The following GC variants were observed in gnomAD, a reference collection of about 807,000 sequenced individuals.
The protein encoded by GC is GC vitamin D binding protein, also known as vitamin D-binding protein.
A neutral mutation model predicts 56.7 loss-of-function variants in GC; 43 were observed. That is an observed-to-expected ratio of 0.76 (90% CI 0.59 to 0.98). The LOEUF (loss-of-function observed/expected upper bound fraction) is 0.98. GC is among the 50% of genes least tolerant of loss of function. GC has a pLI of 0.00. For missense variants in GC, 529 were observed against 545.9 expected (o/e 0.97, Z 0.31); for synonymous variants, 216 against 202.7 (o/e 1.07, Z -0.56).
chr4:71,763,441 T>A lies in GC; in HGVS notation c.668A>T (p.Tyr223Phe), dbSNP rs776295456. The A allele has an allele frequency of 6.2e-7, 1 of 1,604,662 alleles. No individual in the cohort carries two copies. Among genetic ancestry groups the A allele is most frequent in the Non-Finnish European group, 8.5e-7 (1 of 1,171,730 alleles). Residue 223 changes from tyrosine (Y) to phenylalanine (F), a missense_variant, in exon 6 of 13, where the codon TAT becomes TTT. By Grantham distance (22) the Tyr-to-Phe change is conservative (BLOSUM62 3). Coordinates refer to ENST00000273951, the MANE Select transcript of GC (RefSeq NM_000583.4). The part of the protein sequence containing the change: ...TTLSNRVCSQ[Y>F]AAYGEKKSRL... ...TGATTTCTTCTCCCCATAAGCAGCA[T>A]ATTGTGAGCAGACTCTATTTGACAG...
chr4:71,789,782 T>C (rs1214373612), intron 1 of GC, among the ~76,000 whole-genome samples: 2 of 151,916 alleles, frequency 1.3e-5, no homozygotes, highest in Admixed American at 1.3e-4. Flanking sequence ...GGCTCAATGT[T>C]ATCACAAAGG....
At chr4:71,751,197 C>A (rs926134949) in intron 11 of GC, among the ~76,000 whole-genome samples, 1 of 152,152 alleles carries the variant, frequency 6.6e-6, no homozygotes, top group Non-Finnish European at 1.5e-5. Context: ...AAAAGGCCAG[C>A]AAAATACACC....
chr4:71,744,458 CAA>C (rs35292398), intron 12 of GC, among the ~76,000 whole-genome samples: 1,006 of 83,662 alleles, frequency 0.012, 5 homozygotes, highest in African/African-American at 0.018. Context: ...GACTCCATCT[CAA>C]AAAAAAAAAA....
chr4:71,797,770 C>G (rs1743144246), intron 1 of GC, among the ~76,000 whole-genome samples: 1 of 152,226 alleles, frequency 6.6e-6, no homozygotes, highest in Admixed American at 6.5e-5. Flanking sequence ...CTGGGAGCTG[C>G]AGACCAGAGC....
intron 6 of GC, among the ~76,000 whole-genome samples, chr4:71,760,210 A>ATTT (rs371580776): frequency 7.1e-6 from 1 of 140,708 alleles, no homozygotes; most frequent in Non-Finnish European, 1.6e-5. Flanking sequence ...TGCCTGGCTA[A>ATTT]TTTTTTTTTT....
intron 4 of GC, among the ~76,000 whole-genome samples, 197 bp from the exon 5 acceptor site, chr4:71,764,133 C>T (rs1445722960): frequency 6.6e-6 from 1 of 152,054 alleles, no homozygotes; most frequent in African/African-American, 2.4e-5. Context: ...AGGTGCATGC[C>T]ACCATGCTCA....
intron 2 of GC, among the ~76,000 whole-genome samples, chr4:71,769,101 T>G (rs1742266582): frequency 6.6e-6 from 1 of 152,194 alleles, no homozygotes; most frequent in Non-Finnish European, 1.5e-5. Context: ...TTGAACTCAT[T>G]CATAAACTTA....
At chr4:71,768,267 G>A (rs775086739) in intron 3 of GC, 34 bp downstream of exon 3, 1 of 1,534,246 alleles carries the variant, frequency 6.5e-7, no homozygotes, top group Admixed American at 2.1e-5. Flanking sequence ...CCTTCTCTGG[G>A]CTGCCACAGA....
intron 1 of GC, among the ~76,000 whole-genome samples, chr4:71,779,579 G>A (rs1160287846): frequency 6.6e-6 from 1 of 151,756 alleles, no homozygotes; most frequent in Admixed American, 6.6e-5. Context: ...GAGAGAAGAA[G>A]CAATGGGTAG....
At chr4:71,801,290 A>G (rs60769159) in intron 1 of GC, among the ~76,000 whole-genome samples, 2,344 of 152,328 alleles carry the variant, frequency 0.015, 60 homozygotes, top group African/African-American at 0.053. Flanking sequence ...CTTTACACCT[A>G]TTAGAATGAC....
intron 1 of GC, among the ~76,000 whole-genome samples, chr4:71,780,939 T>A (rs1488177254): frequency 1.3e-5 from 2 of 152,172 alleles, no homozygotes; most frequent in East Asian, 1.9e-4. Context: ...TGCACATGTA[T>A]GTTTATTGTG....
At chr4:71,796,353 G>T (rs913910988) in intron 1 of GC, among the ~76,000 whole-genome samples, 6 of 152,116 alleles carry the variant, frequency 3.9e-5, no homozygotes, top group African/African-American at 9.7e-5. Context: ...TGGAGGCTTT[G>T]TTTGTTTCTG....
chr4:71,795,647 C>A (rs770904358), intron 1 of GC, among the ~76,000 whole-genome samples: 2 of 152,082 alleles, frequency 1.3e-5, no homozygotes, highest in African/African-American at 4.8e-5. Context: ...GGGCATTTAG[C>A]CCATTTACAT....
chr4:71,771,752 G>T (rs761102488), intron 1 of GC, among the ~76,000 whole-genome samples: 3 of 152,098 alleles, frequency 2.0e-5, no homozygotes, highest in Non-Finnish European at 4.4e-5. Flanking sequence ...TTACAAGGCT[G>T]GATATTGTGA....
intron 1 of GC, among the ~76,000 whole-genome samples, chr4:71,780,859 A>T (rs1485257879): frequency 6.6e-6 from 1 of 152,150 alleles, no homozygotes; most frequent in Non-Finnish European, 1.5e-5. Context: ...TGGAAATACC[A>T]TTTGACTCAG....
chr4:71,746,053 A>C, intron 12 of GC, 98 bp downstream of exon 12: 1 of 667,858 alleles, frequency 1.5e-6, no homozygotes, highest in Non-Finnish European at 2.7e-6. Context: ...TGAACAGATA[A>C]GAATAAATTT....
chr4:71,745,817 C>T (rs961423463), intron 12 of GC, among the ~76,000 whole-genome samples: 1 of 152,040 alleles, frequency 6.6e-6, no homozygotes, highest in African/African-American at 2.4e-5. Context: ...TTGATGAGCC[C>T]TGTCTTTAAA....
intron 6 of GC, among the ~76,000 whole-genome samples, chr4:71,758,419 A>G (rs1007162743): frequency 6.6e-5 from 10 of 152,336 alleles, no homozygotes; most frequent in African/African-American, 2.4e-4. Flanking sequence ...CCAGATATAC[A>G]TAGTGAAAGC....
intron 1 of GC, among the ~76,000 whole-genome samples, chr4:71,800,613 G>A (rs576853591): frequency 2.6e-5 from 4 of 152,192 alleles, no homozygotes; most frequent in African/African-American, 9.6e-5. Flanking sequence ...GCGATTGCTG[G>A]GTCAAACAGT....
Sources: allele counts gnomAD v4.1 joint callset (sites outside exome capture counted in the v4.1 genomes callset), GRCh38; gene constraint gnomAD v4.1.1; transcripts MANE v1.5; gene names NCBI Gene and HGNC (gene_info 2026-07-23, HGNC 2026-07-21).